NR5A2: variants seen among roughly 807,000 people sequenced by gnomAD.
NR5A2 encodes the protein nuclear receptor subfamily 5 group A member 2, also known as CYP7A promoter-binding factor.
In NR5A2, 26 loss-of-function variants were observed where a neutral mutation model predicts 62.7. That is an observed-to-expected ratio of 0.41 (90% CI 0.30 to 0.58). The LOEUF is 0.58. Among genes scored for constraint, NR5A2 ranks in the 20% least tolerant of loss-of-function variants. NR5A2 has a pLI of 0.22. For synonymous variants in NR5A2, 246 were observed against 241.7 expected, an observed-to-expected ratio of 1.02 and a Z score of -0.16; for missense variants, 541 against 669.1, an observed-to-expected ratio of 0.81 and a Z score of 2.11.
At chr1:200,146,646 T>C (rs980978674) in intron 7 of NR5A2, among the ~76,000 whole-genome samples, 2 of 152,222 alleles carry the variant, frequency 1.3e-5, no homozygotes, top group Non-Finnish European at 2.9e-5. Context: ...AATAGCAAAT[T>C]ACTAGGTTAG....
chr1:200,126,440 G>A (rs1666703807), intron 7 of NR5A2, among the ~76,000 whole-genome samples: 1 of 151,984 alleles, frequency 6.6e-6, no homozygotes, highest in South Asian at 2.1e-4. Context: ...CTCATGTACT[G>A]CCTGGCATAT....
chr1:200,125,818 T>C (rs1295916110), intron 7 of NR5A2, among the ~76,000 whole-genome samples: 1 of 152,196 alleles, frequency 6.6e-6, no homozygotes, highest in African/African-American at 2.4e-5. Context: ...GGGTAAGACC[T>C]TCAGGGCTTG....
chr1:200,042,979 G>A, intron 2 of NR5A2: 1 of 985,478 alleles, frequency 1.0e-6, no homozygotes, highest in Non-Finnish European at 1.2e-6. Flanking sequence ...TTTATATTTT[G>A]CTATGATGAT....
chr1:200,061,469 G>T (rs1249879050), intron 5 of NR5A2, among the ~76,000 whole-genome samples: 4 of 151,892 alleles, frequency 2.6e-5, no homozygotes, highest in African/African-American at 9.7e-5. Flanking sequence ...GTAGAGACAA[G>T]ACTTCTCCAT....
intron 7 of NR5A2, among the ~76,000 whole-genome samples, chr1:200,151,043 C>A (rs1653076786): frequency 6.6e-6 from 1 of 152,168 alleles, no homozygotes. Context: ...GACCTGCTCT[C>A]TGAGCTTTCT....
rs760523452 is a variant in NR5A2 at position 200,039,633 on chromosome 1, T to G, written c.65-25T>G. ...CGCCCCTTCCTTCTTTTCGCCGGAG[T>G]TGAATCTGTGCTGCCCGTGTCCAGG... On this transcript the variant is annotated intron_variant, in intron 1 of 7. Coordinates refer to ENST00000367362, the MANE Select transcript of NR5A2 (RefSeq NM_205860.3). This position sits in a 1 kb window ranked among gnomAD's most constrained non-coding sequence, Gnocchi z 5.1. The G allele has an allele frequency of 1.2e-6, 2 of 1,607,426 alleles. No individual in the cohort carries two copies. Among genetic ancestry groups the G allele is most frequent in the Non-Finnish European group, 1.7e-6 (2 of 1,177,476 alleles).
intron 7 of NR5A2, among the ~76,000 whole-genome samples, chr1:200,151,990 C>G (rs1409173793): frequency 6.6e-6 from 1 of 152,196 alleles, no homozygotes; most frequent in East Asian, 1.9e-4. Flanking sequence ...AAGTTTTATT[C>G]TCTTTCCAAG....
At chr1:200,133,530 CA>C (rs1667065662) in intron 7 of NR5A2, among the ~76,000 whole-genome samples, 2 of 68,602 alleles carry the variant, frequency 2.9e-5, no homozygotes, top group East Asian at 3.8e-4. Context: ...TATATATACA[CA>C]CACATATATA....
intron 2 of NR5A2, among the ~76,000 whole-genome samples, chr1:200,041,256 C>A (rs1018793630): frequency 1.3e-5 from 2 of 152,176 alleles, no homozygotes; most frequent in African/African-American, 4.8e-5. Flanking sequence ...TTATTGGTAA[C>A]GTTTTCTTTG....
At chr1:200,077,024 T>C (rs1365558607) in intron 5 of NR5A2, among the ~76,000 whole-genome samples, 1 of 152,224 alleles carries the variant, frequency 6.6e-6, no homozygotes, top group African/African-American at 2.4e-5. Flanking sequence ...ACTATCCTTT[T>C]TCAAGAAAAA....
intron 1 of NR5A2, among the ~76,000 whole-genome samples, chr1:200,036,963 C>G (rs914239581): frequency 6.6e-6 from 1 of 152,168 alleles, no homozygotes; most frequent in African/African-American, 2.4e-5. Flanking sequence ...CCCCAGCCAC[C>G]GTTCCCTCCC....
At chr1:200,049,858 A>AAGT (rs1247669937) in intron 5 of NR5A2, among the ~76,000 whole-genome samples, 11 of 152,218 alleles carry the variant, frequency 7.2e-5, no homozygotes, top group Non-Finnish European at 1.2e-4. Context: ...TCGTCTGTGT[A>AAGT]AGTAGATGGT....
chr1:200,154,015 T>C (rs964825302), intron 7 of NR5A2, among the ~76,000 whole-genome samples: 3 of 152,258 alleles, frequency 2.0e-5, no homozygotes, highest in Non-Finnish European at 4.4e-5. Flanking sequence ...TGTGATTCAG[T>C]TGCATTCTTA....
At chr1:200,092,881 T>G (rs1234568859) in intron 5 of NR5A2, among the ~76,000 whole-genome samples, 1 of 124,934 alleles carries the variant, frequency 8.0e-6, no homozygotes, top group African/African-American at 3.1e-5. Flanking sequence ...GTCTTTTTTT[T>G]TTTTTTTTTT....
chr1:200,047,299 T>C (rs79052841), intron 4 of NR5A2, among the ~76,000 whole-genome samples: 2,818 of 152,320 alleles, frequency 0.019, 92 homozygotes, highest in African/African-American at 0.064. Context: ...TAACTGGTGG[T>C]CATCTGATGT....
Position 200,052,425 on chromosome 1 carries a change from ATCC to A in NR5A2, c.1110+3612_1110+3614del, listed in dbSNP as rs1662679866. 2.0e-5 allele frequency among the ~76,000 whole-genome samples: 3 copies of A among 152,152 alleles called. No individual in the cohort carries two copies. The South Asian group carries it at 6.2e-4, about 32-fold the overall frequency. On this transcript the variant is annotated intron_variant, in intron 5 of 7. Transcript: ENST00000367362. ...AGTCTCAAACTCCTAGGCTCAAGCA[ATCC>A]TCCTGCCTTGGCCTCCTGAAGTGCT...
intron 1 of NR5A2, chr1:200,029,088 G>T (rs1276878216): frequency 4.5e-6 from 2 of 446,114 alleles, no homozygotes; most frequent in Non-Finnish European, 9.0e-6. Context: ...CAACCATTTC[G>T]CATCTTTTTC....
chr1:200,154,709 A>T (rs2102369512), intron 7 of NR5A2, among the ~76,000 whole-genome samples: 1 of 152,278 alleles, frequency 6.6e-6, no homozygotes, highest in South Asian at 2.1e-4. Context: ...GAAATAAGTA[A>T]ATTTTTAAAA....
At chr1:200,120,505 T>C (rs1666432719) in intron 6 of NR5A2, among the ~76,000 whole-genome samples, 1 of 152,234 alleles carries the variant, frequency 6.6e-6, no homozygotes, top group African/African-American at 2.4e-5. Context: ...TTCTGATGCA[T>C]TTTAGAATCA....
Sources: gnomAD v4.1 joint callset for allele counts (sites outside exome capture counted in the v4.1 genomes callset) on GRCh38, gnomAD v4.1.1 for gene constraint, Gnocchi (gnomAD v3.1) non-coding constraint, MANE v1.5 for transcripts, NCBI Gene and HGNC (gene_info 2026-07-23, HGNC 2026-07-21) for gene names.